Variants in MYO10 observed in about 807,000 individuals in gnomAD.
MYO10 encodes the protein myosin X.
In MYO10, 133 loss-of-function variants were observed where a neutral mutation model predicts 257.3. The observed-to-expected ratio is 0.52, with a 90% CI of 0.45 to 0.60. The LOEUF (loss-of-function observed/expected upper bound fraction) is 0.60, where lower values mean the gene tolerates loss of function less well. MYO10 is among the 20% of genes least tolerant of loss of function. MYO10 has a pLI of 0.00. For synonymous variants in MYO10, 1,104 were observed against 1,028.6 expected (o/e 1.07, Z -1.40); for missense variants, 2,399 against 2,635.7 (o/e 0.91, Z 1.97).
chr5:16,669,081 G>A (rs1736316430), intron 39 of MYO10, among the ~76,000 whole-genome samples: 1 of 152,106 alleles, frequency 6.6e-6, no homozygotes, highest in African/African-American at 2.4e-5. Flanking sequence ...ATATGAAGGG[G>A]CTAACAACAC....
chr5:16,686,628 G>A (rs1323973573), intron 28 of MYO10, among the ~76,000 whole-genome samples: 2 of 151,836 alleles, frequency 1.3e-5, no homozygotes, highest in East Asian at 1.9e-4. Flanking sequence ...TCCGCCTCCC[G>A]GGTTCAAGTG....
At position 16,701,942 on chromosome 5, in the gene MYO10, T is replaced by G; in HGVS notation, c.2557-104A>C. ...GAAATATGGTCATTATGAGTTGGAC[T>G]GTGTCCCCATAAAGTCTATAGGTTG... is the stretch of plus-strand genomic sequence containing the variant. On this transcript the variant is annotated intron_variant, in intron 24 of 40. Transcript: ENST00000513610. This position sits in a 1 kb window ranked among gnomAD's most constrained non-coding sequence, Gnocchi z 8.1. 1 of 1,325,730 alleles carries G rather than the reference T, an allele frequency of 7.5e-7. No individual in the cohort carries two copies. The highest frequency in any genetic ancestry group is 2.4e-5 in the East Asian group (1 of 41,950). 82.1% of individuals were successfully genotyped at this position (1,325,730 alleles called of 1,614,324 possible). A position where few individuals can be genotyped will look rare whatever the true frequency, so the allele number is the denominator to read the frequency against.
intron 9 of MYO10, 45 bp from the exon 10 acceptor site, chr5:16,769,248 C>A: frequency 6.6e-7 from 1 of 1,526,480 alleles, no homozygotes; most frequent in South Asian, 1.3e-5. Context: ...TTTTTTCACA[C>A]TGAAGAAAAT....
intron 19 of MYO10, among the ~76,000 whole-genome samples, chr5:16,742,580 G>A (rs943908059): frequency 6.6e-6 from 1 of 152,130 alleles, no homozygotes; most frequent in Non-Finnish European, 1.5e-5. Context: ...AGCACTTCGG[G>A]AGGCCTAGGT....
At chr5:16,702,284 G>A (rs1435409753) in intron 24 of MYO10, among the ~76,000 whole-genome samples, 2 of 152,218 alleles carry the variant, frequency 1.3e-5, no homozygotes, top group Non-Finnish European at 2.9e-5. Flanking sequence ...GTATTTGGCT[G>A]TGGTGGGCCT....
chr5:16,810,410 C>T (rs963843905), intron 3 of MYO10, among the ~76,000 whole-genome samples: 1 of 152,180 alleles, frequency 6.6e-6, no homozygotes, highest in African/African-American at 2.4e-5. Context: ...TGCAACACGC[C>T]CTCAGCCCAT....
intron 1 of MYO10, among the ~76,000 whole-genome samples, chr5:16,926,439 C>T (rs991638999): frequency 2.6e-5 from 4 of 152,058 alleles, no homozygotes; most frequent in African/African-American, 9.7e-5. Flanking sequence ...GGGTGGCTCA[C>T]GCCTGTAATC....
intron 35 of MYO10, among the ~76,000 whole-genome samples, chr5:16,674,568 T>G (rs1468475362): frequency 1.1e-4 from 17 of 152,078 alleles, no homozygotes; most frequent in African/African-American, 3.1e-4. Context: ...TCCAAGTTTT[T>G]TTTTTTTTTT....
intron 26 of MYO10, among the ~76,000 whole-genome samples, chr5:16,697,631 G>A (rs34362287): frequency 0.062 from 9,478 of 151,648 alleles, 401 homozygotes; most frequent in Non-Finnish European, 0.091. Context: ...CCCGGGGGTG[G>A]AGGCTGCAGT....
Position 16,780,757 on chromosome 5 carries a change from A to C in MYO10, c.728-16T>G. The C allele has an allele frequency of 6.4e-7, 1 of 1,570,728 alleles. No individual in the cohort carries two copies. Among genetic ancestry groups the C allele is most frequent in the Non-Finnish European group, 8.6e-7 (1 of 1,156,508 alleles). On this transcript the variant is annotated splice_polypyrimidine_tract_variant and intron_variant, in intron 6 of 40. Transcript: ENST00000513610. ...TCTAATAAATCTTCATGTGAAAAGCAATGGCAAGTCAAGGAAAAAAACAAA... is the reference window on the plus strand; with the variant it reads ...TCTAATAAATCTTCATGTGAAAAGCCATGGCAAGTCAAGGAAAAAAACAAA...
chr5:16,777,839 C>CTATTCT (rs1391555719), intron 9 of MYO10, among the ~76,000 whole-genome samples: 1 of 88,482 alleles, frequency 1.1e-5, no homozygotes, highest in African/African-American at 5.4e-5. Context: ...TTGCATCTAA[C>CTATTCT]TTTTTTTTTT....
intron 2 of MYO10, among the ~76,000 whole-genome samples, chr5:16,823,467 G>GGGGGGGGGGTTTTTT: frequency 1.8e-3 from 7 of 3,984 alleles, no homozygotes; most frequent in Non-Finnish European, 3.5e-3. Flanking sequence ...GGGGAGTGGG[G>GGGGGGGGGGTTTTTT]ATTTTTTTTT....
intron 2 of MYO10, among the ~76,000 whole-genome samples, chr5:16,849,302 A>G (rs1743731057): frequency 6.6e-6 from 1 of 152,162 alleles, no homozygotes; most frequent in African/African-American, 2.4e-5. Context: ...TCCACAGGTA[A>G]CCGAAAATAA....
chr5:16,765,938 T>G (rs1740848681), intron 11 of MYO10, 142 bp downstream of exon 11: 1 of 639,050 alleles, frequency 1.6e-6, no homozygotes, highest in African/African-American at 1.8e-5. Flanking sequence ...TTCTTTATTT[T>G]TATCATGAAC....
intron 9 of MYO10, among the ~76,000 whole-genome samples, chr5:16,776,302 T>TC (rs1189093585): frequency 2.0e-5 from 3 of 151,832 alleles, no homozygotes; most frequent in Non-Finnish European, 4.4e-5. Flanking sequence ...ACTTTTTTTT[T>TC]TCTTTTTCTT....
chr5:16,863,957 G>C (rs1304524929), intron 2 of MYO10, among the ~76,000 whole-genome samples: 2 of 152,162 alleles, frequency 1.3e-5, no homozygotes, highest in Non-Finnish European at 2.9e-5. Flanking sequence ...AATTAGCCAG[G>C]CTTGGTGGCA....
At chr5:16,699,118 A>G (rs1488187215) in intron 26 of MYO10, among the ~76,000 whole-genome samples, 2 of 152,136 alleles carry the variant, frequency 1.3e-5, no homozygotes, top group African/African-American at 4.8e-5. Context: ...AAGGAAAACG[A>G]GACAGGGAGA....
chr5:16,696,855 CAA>C (rs11284007), intron 26 of MYO10, among the ~76,000 whole-genome samples: 12,414 of 99,018 alleles, frequency 0.13, 489 homozygotes, highest in African/African-American at 0.23. Flanking sequence ...GACTCTGTCT[CAA>C]AAAAAAAAAA....
At chr5:16,788,419 G>A (rs1260503770) in intron 4 of MYO10, among the ~76,000 whole-genome samples, 7 of 152,178 alleles carry the variant, frequency 4.6e-5, no homozygotes, top group Non-Finnish European at 1.0e-4. Context: ...CCGTGTGTAA[G>A]TTTACCTTAA....
Sources: allele counts gnomAD v4.1 joint callset (sites outside exome capture counted in the v4.1 genomes callset), GRCh38; gene constraint gnomAD v4.1.1; non-coding constraint Gnocchi (gnomAD v3.1); transcripts MANE v1.5; gene names NCBI Gene and HGNC (gene_info 2026-07-23, HGNC 2026-07-21).